PAPSS2: variants seen among roughly 807,000 people sequenced by gnomAD.
PAPSS2 encodes 3'-phosphoadenosine 5'-phosphosulfate synthase 2.
In PAPSS2, 61 loss-of-function variants were observed where a neutral mutation model predicts 66.5. The ratio of observed to expected loss-of-function variants is 0.92; its 90% CI spans 0.75 to 1.14. PAPSS2 has a LOEUF of 1.14. Among genes scored for constraint, PAPSS2 ranks in the 50% most tolerant of loss-of-function variants. The probability of loss-of-function intolerance (pLI) is 0.00; values close to 1 mark genes in which losing one functional copy is unlikely to be tolerated. For synonymous variants in PAPSS2, 289 were observed against 287.5 expected (o/e 1.01, Z -0.05); for missense variants, 708 against 789.6 (o/e 0.90, Z 1.24).
chr10:87,746,017 T>C lies in PAPSS2; in HGVS notation c.*47T>C. ...TTCTGAAGTGCTCTTTGATTACCTT[T>C]TCTATTTTTATGATTAGATGCTTTG... On this transcript the variant is annotated 3_prime_UTR_variant, in exon 13 of 13. Transcript: ENST00000456849. 1 of 1,583,308 alleles carries C rather than the reference T, an allele frequency of 6.3e-7. No individual in the cohort carries two copies. The highest frequency in any genetic ancestry group is 8.7e-7 in the Non-Finnish European group (1 of 1,152,592).
At chr10:87,702,593 G>A (rs4933456) in intron 1 of PAPSS2, among the ~76,000 whole-genome samples, 79,464 of 152,098 alleles carry the variant, frequency 0.52, 22,500 homozygotes, top group African/African-American at 0.74. Flanking sequence ...GAGACCAGTG[G>A]CAATGAGGGC....
At chr10:87,721,807 T>C in intron 8 of PAPSS2, 37 bp downstream of exon 8, 1 of 1,174,912 alleles carries the variant, frequency 8.5e-7, no homozygotes, top group South Asian at 1.5e-5. Flanking sequence ...TAAATTATTA[T>C]AATTATATAT....
chr10:87,741,746 G>A (rs959241541), intron 10 of PAPSS2, among the ~76,000 whole-genome samples: 2 of 148,044 alleles, frequency 1.4e-5, no homozygotes, highest in African/African-American at 5.0e-5. Context: ...AAGAATTAAG[G>A]ATACCAGGAG....
intron 1 of PAPSS2, among the ~76,000 whole-genome samples, chr10:87,706,106 A>ATGTGTG (rs1223497557): frequency 8.3e-4 from 71 of 85,268 alleles, no homozygotes; most frequent in African/African-American, 4.7e-3. Flanking sequence ...ATATATATAT[A>ATGTGTG]TATGTGTGTG....
Position 87,746,750 on chromosome 10 carries a change from T to C in PAPSS2, c.*780T>C, listed in dbSNP as rs1853946528. The C allele has an allele frequency of 6.6e-6, 1 of 152,214 alleles. No homozygotes were observed. Among genetic ancestry groups the C allele is most frequent in the Non-Finnish European group, 1.5e-5 (1 of 68,032 alleles). The allele number at this position is 152,214 out of a possible 1,614,324, so 9.4% of individuals were successfully genotyped here. A position where few individuals can be genotyped will look rare whatever the true frequency, so the allele number is the denominator to read the frequency against. On this transcript the variant is annotated 3_prime_UTR_variant, in exon 13 of 13. Transcript: ENST00000456849. ...CGTGGAAAGTTATCTTTCCCGCTCT[T>C]TGCTGTGGTCATTGTGTCTTGCAGA...
At chr10:87,711,720 A>G (rs74146338) in intron 2 of PAPSS2, among the ~76,000 whole-genome samples, 2,517 of 152,216 alleles carry the variant, frequency 0.017, 68 homozygotes, top group African/African-American at 0.056. Flanking sequence ...TATGGAGACT[A>G]TTCACCTTTT....
intron 1 of PAPSS2, among the ~76,000 whole-genome samples, chr10:87,665,365 C>G (rs1852802555): frequency 6.6e-6 from 1 of 152,180 alleles, no homozygotes; most frequent in South Asian, 2.1e-4. Context: ...GTGCCTGCCA[C>G]CACGCCCGGC....
At chr10:87,687,861 C>CA (rs1245107547) in intron 1 of PAPSS2, among the ~76,000 whole-genome samples, 8 of 151,942 alleles carry the variant, frequency 5.3e-5, no homozygotes, top group East Asian at 1.9e-4. Flanking sequence ...GAGAAGAATA[C>CA]AAAAAATGAT....
chr10:87,723,499 G>A (rs1214813674), intron 8 of PAPSS2, among the ~76,000 whole-genome samples: 1 of 152,166 alleles, frequency 6.6e-6, no homozygotes, highest in Non-Finnish European at 1.5e-5. Context: ...TTTGAATTTA[G>A]TGTTCTCTGC....
intron 1 of PAPSS2, among the ~76,000 whole-genome samples, chr10:87,699,780 G>A (rs1477787125): frequency 2.7e-5 from 4 of 147,100 alleles, no homozygotes; most frequent in Admixed American, 6.9e-5. Flanking sequence ...AACCCGGGAC[G>A]CAGAGGTTTC....
chr10:87,660,824 A>AAC (rs2131889679), intron 1 of PAPSS2, among the ~76,000 whole-genome samples: 1 of 117,820 alleles, frequency 8.5e-6, no homozygotes, highest in Admixed American at 8.4e-5. Context: ...AAAAAAAAAA[A>AAC]AAAAAAAAAA....
At chr10:87,661,284 C>A (rs567202549) in intron 1 of PAPSS2, among the ~76,000 whole-genome samples, 3 of 151,848 alleles carry the variant, frequency 2.0e-5, no homozygotes, top group Non-Finnish European at 4.4e-5. Flanking sequence ...GCAGGAGGGT[C>A]CAGGGTGTAG....
At chr10:87,685,852 G>T (rs925447070) in intron 1 of PAPSS2, among the ~76,000 whole-genome samples, 3 of 152,112 alleles carry the variant, frequency 2.0e-5, no homozygotes, top group African/African-American at 2.4e-5. Context: ...AAATAGGAGG[G>T]TACAAATAGG....
At chr10:87,728,653 T>C (rs1401078799) in intron 9 of PAPSS2, among the ~76,000 whole-genome samples, 2 of 151,822 alleles carry the variant, frequency 1.3e-5, no homozygotes, top group South Asian at 2.1e-4. Flanking sequence ...AGCACGAGAG[T>C]TGCTTGAACC....
At chr10:87,697,875 G>A (rs1853254399) in intron 1 of PAPSS2, among the ~76,000 whole-genome samples, 1 of 152,164 alleles carries the variant, frequency 6.6e-6, no homozygotes, top group South Asian at 2.1e-4. Context: ...GGTAGACAGA[G>A]GACCAGAAGT....
At chr10:87,716,708 G>T (rs1427224710) in intron 7 of PAPSS2, among the ~76,000 whole-genome samples, 1 of 152,120 alleles carries the variant, frequency 6.6e-6, no homozygotes, top group Non-Finnish European at 1.5e-5. Flanking sequence ...CTCAGAATCA[G>T]AACTCAAAGA....
chr10:87,664,157 A>AGAGATCCTCCTGC (rs758103273), intron 1 of PAPSS2, among the ~76,000 whole-genome samples: 4 of 152,152 alleles, frequency 2.6e-5, no homozygotes, highest in Non-Finnish European at 2.9e-5. Context: ...CCTGAGCTGA[A>AGAGATCCTCCTGC]GAGATCCTCC....
In PAPSS2 at chr10:87,714,256, ATCT is replaced by A; in HGVS notation, c.520+77_520+79del. 2.0e-6 allele frequency: 3 copies of A among 1,537,620 alleles called. No individual in the cohort carries two copies. In the South Asian group the frequency reaches 3.4e-5, roughly 17 times the overall value. On this transcript the variant is annotated intron_variant, in intron 4 of 12. Coordinates refer to ENST00000456849, the MANE Select transcript of PAPSS2 (RefSeq NM_001015880.2). ...CTCAGTCCTTATTCTGTCCTCAGAA[ATCT>A]TCCTTGAGTTTCAAACTGTTTTCCA...
chr10:87,672,888 C>A (rs1358865), intron 1 of PAPSS2, among the ~76,000 whole-genome samples: 76,374 of 152,068 alleles, frequency 0.5, 19,364 homozygotes, highest in East Asian at 0.78. Flanking sequence ...TGTGTTATGA[C>A]AAGTATATGA....
Sources: gnomAD v4.1 joint callset for allele counts (sites outside exome capture counted in the v4.1 genomes callset) on GRCh38, gnomAD v4.1.1 for gene constraint, MANE v1.5 for transcripts, NCBI Gene and HGNC (gene_info 2026-07-23, HGNC 2026-07-21) for gene names.